Variants in SHISA9 observed in about 807,000 individuals in gnomAD.
The protein encoded by SHISA9 is protein shisa-9.
In SHISA9, 13 loss-of-function variants were observed where a neutral mutation model predicts 38.0. That is an observed-to-expected ratio of 0.34 (90% CI 0.22 to 0.54). SHISA9 has a LOEUF of 0.54. SHISA9 is among the 20% of genes least tolerant of loss of function. The pLI is 0.91. For synonymous variants in SHISA9, 275 were observed against 242.0 expected (o/e 1.14, Z -1.27); for missense variants, 538 against 575.8 (o/e 0.93, Z 0.67).
chr16:13,070,431 C>T (rs552127598), intron 2 of SHISA9, among the ~76,000 whole-genome samples: 70 of 152,290 alleles, frequency 4.6e-4, no homozygotes, highest in Non-Finnish European at 9.1e-4. Context: ...TCTGGGTTGG[C>T]GGGCAGATTT....
intron 2 of SHISA9, among the ~76,000 whole-genome samples, chr16:13,187,407 T>C (rs1161902098): frequency 6.9e-6 from 1 of 143,982 alleles, no homozygotes; most frequent in Non-Finnish European, 1.5e-5. Context: ...CAATCTCAGC[T>C]CACTGCAGCC....
intron 2 of SHISA9, among the ~76,000 whole-genome samples, chr16:13,139,760 A>G (rs1221311006): frequency 6.6e-6 from 1 of 152,160 alleles, no homozygotes; most frequent in African/African-American, 2.4e-5. Flanking sequence ...TAAGGTTCAT[A>G]TGAGTAAACA....
chr16:13,310,358 T>G, the SHISA9 span, among the ~76,000 whole-genome samples: 1 of 152,224 alleles, frequency 6.6e-6, no homozygotes, highest in Admixed American at 6.5e-5. Context: ...AAGAACAGTT[T>G]AGTGAACATC....
the SHISA9 span, among the ~76,000 whole-genome samples, chr16:13,358,411 T>G: frequency 6.6e-6 from 1 of 152,102 alleles, no homozygotes; most frequent in African/African-American, 2.4e-5. Flanking sequence ...GGCTGTGCTG[T>G]GTGATGTTCC....
the SHISA9 span, among the ~76,000 whole-genome samples, chr16:13,314,179 T>G: frequency 2.0e-5 from 3 of 151,748 alleles, no homozygotes; most frequent in East Asian, 5.8e-4. Context: ...TGGGAGCAAC[T>G]CCTTATTCTT....
the SHISA9 span, among the ~76,000 whole-genome samples, chr16:13,424,482 T>A: frequency 6.6e-6 from 1 of 152,114 alleles, no homozygotes; most frequent in Non-Finnish European, 1.5e-5. Flanking sequence ...CTGACTGCAG[T>A]AAGATTGGGA....
At chr16:13,110,043 A>G (rs901433312) in intron 2 of SHISA9, among the ~76,000 whole-genome samples, 2 of 152,110 alleles carry the variant, frequency 1.3e-5, no homozygotes, top group South Asian at 2.1e-4. Flanking sequence ...GGTAATATAT[A>G]TTAAGATTAT....
chr16:13,140,288 T>C (rs1229952754), intron 2 of SHISA9, among the ~76,000 whole-genome samples: 1 of 151,726 alleles, frequency 6.6e-6, no homozygotes, highest in Admixed American at 6.6e-5. Context: ...GGAATTCTCC[T>C]GTCTCAGCCT....
intron 2 of SHISA9, among the ~76,000 whole-genome samples, chr16:13,188,601 C>T (rs2050851830): frequency 6.6e-6 from 1 of 151,552 alleles, no homozygotes; most frequent in African/African-American, 2.4e-5. Flanking sequence ...TCTGTAGTCC[C>T]AGCAACTCAG....
chr16:13,460,059 C>T, the SHISA9 span, among the ~76,000 whole-genome samples: 1 of 152,158 alleles, frequency 6.6e-6, no homozygotes, highest in African/African-American at 2.4e-5. Flanking sequence ...AGACACGAGC[C>T]ACCACACGCA....
At chr16:12,937,961 G>T (rs1405475849) in intron 2 of SHISA9, among the ~76,000 whole-genome samples, 1 of 152,190 alleles carries the variant, frequency 6.6e-6, no homozygotes, top group African/African-American at 2.4e-5. Flanking sequence ...ATTTTATAAG[G>T]TGAGGCAGCT....
intron 2 of SHISA9, among the ~76,000 whole-genome samples, chr16:13,117,540 C>G (rs929298413): frequency 5.9e-5 from 9 of 152,076 alleles, no homozygotes; most frequent in African/African-American, 2.2e-4. Flanking sequence ...TGCCTAGGCC[C>G]TAAATCTGCT....
chr16:13,296,373 A>G, the SHISA9 span, among the ~76,000 whole-genome samples: 2 of 151,694 alleles, frequency 1.3e-5, no homozygotes, highest in Admixed American at 1.3e-4. Context: ...ACCCATTTGT[A>G]TTATCTAGAG....
At chr16:13,171,246 C>G (rs1033843846) in intron 2 of SHISA9, among the ~76,000 whole-genome samples, 1 of 152,130 alleles carries the variant, frequency 6.6e-6, no homozygotes, top group Non-Finnish European at 1.5e-5. Flanking sequence ...GGATCCACCC[C>G]CATGACCCAA....
the SHISA9 span, among the ~76,000 whole-genome samples, chr16:13,444,911 TG>T: frequency 6.8e-6 from 1 of 147,308 alleles, no homozygotes; most frequent in Non-Finnish European, 1.5e-5. Context: ...TCTGCCCCCC[TG>T]GGCTCAAGTG....
At chr16:13,211,869 C>T (rs1157979628) in intron 3 of SHISA9, among the ~76,000 whole-genome samples, 1 of 152,166 alleles carries the variant, frequency 6.6e-6, no homozygotes, top group Non-Finnish European at 1.5e-5. Flanking sequence ...TGTGGCCATC[C>T]ACACAGGAAG....
chr16:13,206,605 C>A (rs904079291), intron 3 of SHISA9, among the ~76,000 whole-genome samples: 1 of 152,242 alleles, frequency 6.6e-6, no homozygotes, highest in Admixed American at 6.5e-5. Context: ...GTTCCCTGAT[C>A]TCTTAAGATT....
the SHISA9 span, among the ~76,000 whole-genome samples, chr16:13,284,844 C>G: frequency 6.6e-6 from 1 of 152,304 alleles, no homozygotes; most frequent in African/African-American, 2.4e-5. Context: ...AGTGATCTGC[C>G]AGCTTTGGCC....
At chr16:13,002,343 C>T (rs1323660729) in intron 2 of SHISA9, among the ~76,000 whole-genome samples, 2 of 152,140 alleles carry the variant, frequency 1.3e-5, no homozygotes, top group Non-Finnish European at 2.9e-5. Context: ...TAATAAAAGC[C>T]TGCAGAATTT....
Sources: allele counts gnomAD v4.1 joint callset (sites outside exome capture counted in the v4.1 genomes callset), GRCh38; gene constraint gnomAD v4.1.1; transcripts MANE v1.5; gene names NCBI Gene and HGNC (gene_info 2026-07-23, HGNC 2026-07-21).